FAF1: variants seen among roughly 807,000 people sequenced by gnomAD.
FAF1 encodes FAS-associated factor 1.
Under a neutral mutation model 92.5 loss-of-function variants are expected in FAF1, and 25 were observed. The ratio of observed to expected loss-of-function variants is 0.27; its 90% CI spans 0.20 to 0.38. The LOEUF (loss-of-function observed/expected upper bound fraction) is 0.38. Ranked by LOEUF, FAF1 falls within the 10% of genes least tolerant of loss-of-function variation. The probability of loss-of-function intolerance (pLI) is 1.00; values close to 1 mark genes in which losing one functional copy is unlikely to be tolerated. For missense variants in FAF1, 636 were observed against 793.3 expected (o/e 0.80, Z 2.38); for synonymous variants, 234 against 273.2 (o/e 0.86, Z 1.42).
intron 4 of FAF1, among the ~76,000 whole-genome samples, chr1:50,770,701 C>T (rs553917175): frequency 2.8e-4 from 43 of 152,304 alleles, no homozygotes; most frequent in African/African-American, 1.0e-3. Context: ...AGATTCAATG[C>T]TATTTCTACC....
chr1:50,635,651 G>A (rs1382481744), intron 8 of FAF1, among the ~76,000 whole-genome samples: 1 of 152,134 alleles, frequency 6.6e-6, no homozygotes, highest in African/African-American at 2.4e-5. Flanking sequence ...GTCTCGAACT[G>A]CTGAGCTCAG....
intron 1 of FAF1, among the ~76,000 whole-genome samples, chr1:50,888,117 G>C (rs1013768179): frequency 9.9e-5 from 15 of 152,276 alleles, no homozygotes; most frequent in African/African-American, 3.1e-4. Context: ...TGGATTCCTA[G>C]GTGTTTTATT....
chr1:50,859,119 A>G (rs954202780), intron 1 of FAF1, among the ~76,000 whole-genome samples: 3 of 151,966 alleles, frequency 2.0e-5, no homozygotes, highest in Admixed American at 2.0e-4. Flanking sequence ...TCAAAGGAAT[A>G]TATCACAAAA....
intron 7 of FAF1, among the ~76,000 whole-genome samples, chr1:50,657,085 G>A (rs912314647): frequency 6.6e-6 from 1 of 151,790 alleles, no homozygotes; most frequent in Non-Finnish European, 1.5e-5. Flanking sequence ...GGTGGCTCAT[G>A]CCTGTAGTCC....
intron 15 of FAF1, among the ~76,000 whole-genome samples, chr1:50,513,037 C>T (rs1194981596): frequency 6.6e-6 from 1 of 152,110 alleles, no homozygotes; most frequent in Non-Finnish European, 1.5e-5. Context: ...GAGCAAGCCT[C>T]TAGGTTTGCT....
At chr1:50,510,587 A>G (rs1325936376) in intron 15 of FAF1, among the ~76,000 whole-genome samples, 4 of 152,184 alleles carry the variant, frequency 2.6e-5, no homozygotes. Flanking sequence ...CAGGGCTCTG[A>G]TAAGTGTCCC....
At chr1:50,461,745 C>G (rs1646433689) in intron 18 of FAF1, among the ~76,000 whole-genome samples, 1 of 151,982 alleles carries the variant, frequency 6.6e-6, no homozygotes, top group African/African-American at 2.4e-5. Context: ...CTAGATATTT[C>G]TAATTGAACA....
chr1:50,632,147 G>C (rs143202373), intron 8 of FAF1, among the ~76,000 whole-genome samples: 1 of 152,106 alleles, frequency 6.6e-6, no homozygotes, highest in Admixed American at 6.6e-5. Context: ...AAGAAGTAAG[G>C]GGTACGATGA....
At chr1:50,453,384 G>A (rs1373140679) in intron 18 of FAF1, among the ~76,000 whole-genome samples, 3 of 152,310 alleles carry the variant, frequency 2.0e-5, no homozygotes, top group African/African-American at 7.2e-5. Context: ...CTGGGGCTTT[G>A]AACAGGAGTT....
intron 12 of FAF1, among the ~76,000 whole-genome samples, chr1:50,573,816 AC>A (rs150622931): frequency 2.0e-3 from 222 of 112,676 alleles, no homozygotes; most frequent in Non-Finnish European, 3.0e-3. Flanking sequence ...AGGGTTAAAA[AC>A]AAAAAAAAAA....
chr1:50,659,295 G>C (rs757608768), intron 7 of FAF1, among the ~76,000 whole-genome samples: 3 of 151,848 alleles, frequency 2.0e-5, no homozygotes, highest in Non-Finnish European at 2.9e-5. Flanking sequence ...AAGGAGGAAA[G>C]AGAAGAGAGG....
At chr1:50,448,396 T>C (rs1377608063) in intron 18 of FAF1, among the ~76,000 whole-genome samples, 2 of 152,214 alleles carry the variant, frequency 1.3e-5, no homozygotes, top group Non-Finnish European at 2.9e-5. Flanking sequence ...CCAGAGTTGT[T>C]GTGAGGGTCA....
intron 17 of FAF1, among the ~76,000 whole-genome samples, chr1:50,479,374 T>C (rs1646674490): frequency 6.6e-6 from 1 of 152,232 alleles, no homozygotes; most frequent in Non-Finnish European, 1.5e-5. Flanking sequence ...TGGGAGACTC[T>C]GCTTCTAATC....
rs528662611 is a variant in FAF1 at position 50,585,881 on chromosome 1, A to T, written c.841-1070T>A. Among the ~76,000 whole-genome samples, 23 of 57,084 alleles carry T rather than the reference A, an allele frequency of 4.0e-4. No homozygotes were observed. The South Asian group carries it at 7.6e-3, about 19-fold the overall frequency. The allele number at this position is 57,084 out of a possible 152,430, so 37.4% of individuals were successfully genotyped here. ...TCATGGCCAGATCTCATCTCTACAT[A>T]AAAAAAAAAAAAAAAAAAAAGAAAA... On this transcript the variant is annotated intron_variant, in intron 9 of 18. Coordinates refer to ENST00000396153, the MANE Select transcript of FAF1 (RefSeq NM_007051.3).
chr1:50,863,207 A>G (rs1644450431), intron 1 of FAF1, among the ~76,000 whole-genome samples: 1 of 151,982 alleles, frequency 6.6e-6, no homozygotes, highest in Non-Finnish European at 1.5e-5. Flanking sequence ...CGACTCCAAA[A>G]GAAACCCTCA....
At chr1:50,580,381 C>T (rs962563597) in intron 12 of FAF1, among the ~76,000 whole-genome samples, 20 of 151,770 alleles carry the variant, frequency 1.3e-4, no homozygotes, top group African/African-American at 4.6e-4. Flanking sequence ...CAATCTGTAG[C>T]AGTTAATCCT....
chr1:50,490,553 G>T, intron 17 of FAF1, 35 bp downstream of exon 17: 2 of 608,470 alleles, frequency 3.3e-6, no homozygotes, highest in Non-Finnish European at 2.5e-6. Flanking sequence ...ATACAACCCA[G>T]CTTTTGAATA....
chr1:50,591,978 A>G (rs997623532), intron 9 of FAF1, among the ~76,000 whole-genome samples: 21 of 152,152 alleles, frequency 1.4e-4, no homozygotes, highest in Non-Finnish European at 2.6e-4. Flanking sequence ...TTTAAAAAAT[A>G]TTCATTTACA....
intron 18 of FAF1, among the ~76,000 whole-genome samples, chr1:50,441,762 T>C (rs941949172): frequency 6.6e-6 from 1 of 152,124 alleles, no homozygotes; most frequent in Non-Finnish European, 1.5e-5. Flanking sequence ...TGGAGGTACC[T>C]TTCTTGCACA....
Sources: allele counts gnomAD v4.1 joint callset (sites outside exome capture counted in the v4.1 genomes callset), GRCh38; gene constraint gnomAD v4.1.1; transcripts MANE v1.5; gene names NCBI Gene and HGNC (gene_info 2026-07-23, HGNC 2026-07-21).